Variants in CELF2 observed in about 807,000 individuals in gnomAD.
CELF2 encodes CUGBP Elav-like family member 2.
CELF2 carries 8 observed loss-of-function variants against 62.6 expected under a neutral mutation model. That is an observed-to-expected ratio of 0.13 (90% CI 0.07 to 0.23). The LOEUF is 0.23. Ranked by LOEUF, CELF2 falls within the 10% of genes least tolerant of loss-of-function variation. The probability of loss-of-function intolerance (pLI) is 1.00; values close to 1 mark genes in which losing one functional copy is unlikely to be tolerated. For missense variants in CELF2, 333 were observed against 671.0 expected, an observed-to-expected ratio of 0.50 and a Z score of 5.56; for synonymous variants, 258 against 250.0, an observed-to-expected ratio of 1.03 and a Z score of -0.30.
At chr10:11,057,807 A>G (rs535750505) in intron 1 of CELF2, among the ~76,000 whole-genome samples, 1 of 152,258 alleles carries the variant, frequency 6.6e-6, no homozygotes, top group Admixed American at 6.5e-5. Flanking sequence ...CCTTTAACCC[A>G]TATTGCCAGA....
the CELF2 span, among the ~76,000 whole-genome samples, chr10:10,502,277 G>C: frequency 4.6e-5 from 7 of 151,938 alleles, no homozygotes; most frequent in Non-Finnish European, 1.0e-4. Context: ...TTCATAAAAA[G>C]TATTGGAGGG....
At chr10:11,313,652 G>C (rs2140527933) in intron 9 of CELF2, among the ~76,000 whole-genome samples, 1 of 152,228 alleles carries the variant, frequency 6.6e-6, no homozygotes, top group African/African-American at 2.4e-5. Context: ...ATTTTAATCT[G>C]ACACAGTCTA....
At chr10:11,056,742 C>T (rs2065333304) in intron 1 of CELF2, among the ~76,000 whole-genome samples, 1 of 149,732 alleles carries the variant, frequency 6.7e-6, no homozygotes, top group African/African-American at 2.5e-5. Flanking sequence ...TAGTAGACCA[C>T]TTATCTTAGG....
At chr10:11,202,176 C>T (rs1465766749) in intron 2 of CELF2, among the ~76,000 whole-genome samples, 3 of 152,140 alleles carry the variant, frequency 2.0e-5, no homozygotes, top group Non-Finnish European at 4.4e-5. Context: ...TGGAATTTAT[C>T]ATCTAATGAC....
intron 1 of CELF2, among the ~76,000 whole-genome samples, chr10:10,819,474 C>T (rs189887048): frequency 5.9e-5 from 9 of 152,244 alleles, no homozygotes. Flanking sequence ...ATAACCAGAT[C>T]CAGTGGCCCA....
At chr10:11,114,008 T>C (rs2055925570) in intron 1 of CELF2, among the ~76,000 whole-genome samples, 1 of 152,194 alleles carries the variant, frequency 6.6e-6, no homozygotes, top group Non-Finnish European at 1.5e-5. Flanking sequence ...TTATAGATGG[T>C]TCAATTAAAG....
chr10:10,683,819 G>A, the CELF2 span, among the ~76,000 whole-genome samples: 1 of 152,140 alleles, frequency 6.6e-6, no homozygotes, highest in African/African-American at 2.4e-5. Context: ...CTGAGAAGGT[G>A]ACAAAAAGCA....
intron 1 of CELF2, among the ~76,000 whole-genome samples, chr10:11,019,990 T>C (rs921078592): frequency 6.6e-6 from 1 of 152,260 alleles, no homozygotes; most frequent in Non-Finnish European, 1.5e-5. Context: ...ATGAATGCTC[T>C]ATGAATTTAA....
At chr10:11,295,465 G>A (rs1435194665) in intron 9 of CELF2, among the ~76,000 whole-genome samples, 3 of 152,178 alleles carry the variant, frequency 2.0e-5, no homozygotes, top group African/African-American at 7.2e-5. Flanking sequence ...TATATCTTAC[G>A]TTAAATTTTG....
chr10:10,619,747 G>T, the CELF2 span, among the ~76,000 whole-genome samples: 1 of 152,186 alleles, frequency 6.6e-6, no homozygotes, highest in Non-Finnish European at 1.5e-5. Context: ...GGAGAAGTTT[G>T]TTTGGAAAAA....
chr10:10,864,583 TG>T (rs2060240590), intron 1 of CELF2, among the ~76,000 whole-genome samples: 1 of 152,184 alleles, frequency 6.6e-6, no homozygotes, highest in Admixed American at 6.5e-5. Flanking sequence ...ACCTTCTGGC[TG>T]TGTCCTTACA....
chr10:10,870,813 G>A (rs903254136), intron 1 of CELF2, among the ~76,000 whole-genome samples: 6 of 152,206 alleles, frequency 3.9e-5, no homozygotes, highest in African/African-American at 1.4e-4. Context: ...CACGGTGACA[G>A]TCGCGCTGGC....
rs1305298309 is a variant in CELF2, at chr10:10,928,464, C to T, written c.89+8465C>T. Among the ~76,000 whole-genome samples, 3 of 152,092 alleles carry T rather than the reference C, an allele frequency of 2.0e-5. No individual in the cohort carries two copies. Among genetic ancestry groups the T allele is most frequent in the Non-Finnish European group, 2.9e-5 (2 of 68,032 alleles). Reference sequence around the variant, plus strand: ...GATTTTGCAAACTACAGCCCACAGACGAAATCTAGATAGTGGCCTGTGCTT... The same window carrying T: ...GATTTTGCAAACTACAGCCCACAGATGAAATCTAGATAGTGGCCTGTGCTT... On this transcript the variant is annotated intron_variant, in intron 2 of 13. Transcript: ENST00000636488. The surrounding 1 kb of genome is among the most constrained non-coding windows in gnomAD (Gnocchi z 4.8).
the CELF2 span, among the ~76,000 whole-genome samples, chr10:10,557,099 G>C: frequency 6.9e-6 from 1 of 145,902 alleles, no homozygotes; most frequent in Non-Finnish European, 1.5e-5. Context: ...TGGACATGAA[G>C]TCCTTGCCCA....
rs2094793904 is a variant in CELF2, at chr10:11,314,550, T to G, written c.1096+292T>G. ...CTTTTCAGGTTTCCAGGAGTTTGGTTTGGTTTGGTTTCGGTCGGTTCTGTC... is the reference window on the plus strand; with the variant it reads ...CTTTTCAGGTTTCCAGGAGTTTGGTGTGGTTTGGTTTCGGTCGGTTCTGTC... On this transcript the variant is annotated intron_variant, in intron 10 of 12. Coordinates refer to ENST00000633077, the MANE Select transcript of CELF2 (RefSeq NM_001326342.2). The surrounding 1 kb of genome is among the most constrained non-coding windows in gnomAD (Gnocchi z 5.3). 1.3e-5 allele frequency: 6 copies of G among 449,268 alleles called. No homozygotes were observed. The highest frequency in any genetic ancestry group is 2.1e-5 in the Non-Finnish European group (5 of 240,674). 27.8% of individuals were successfully genotyped at this position (449,268 alleles called of 1,614,324 possible). A position where few individuals can be genotyped will look rare whatever the true frequency, so the allele number is the denominator to read the frequency against.
chr10:11,271,210 G>C (rs1050348974), intron 7 of CELF2, among the ~76,000 whole-genome samples: 1 of 152,256 alleles, frequency 6.6e-6, no homozygotes, highest in African/African-American at 2.4e-5. Flanking sequence ...TCCATTCCAT[G>C]ATCCTGGCTC....
chr10:11,058,461 G>GTTTTTTTGTTTTTTTTTTTT (rs2065868708), intron 1 of CELF2, among the ~76,000 whole-genome samples: 1 of 116,806 alleles, frequency 8.6e-6, no homozygotes. Context: ...TTTTTTGTTG[G>GTTTTTTTGTTTTTTTTTTTT]TTTTTTTTTT....
chr10:11,329,123 C>A lies in CELF2; in HGVS notation c.*70C>A. 1 of 1,495,854 alleles carries A rather than the reference C, an allele frequency of 6.7e-7. No individual in the cohort carries two copies. The highest frequency in any genetic ancestry group is 1.3e-5 in the South Asian group (1 of 76,794). The allele number at this position is 1,495,854 out of a possible 1,614,324, so 92.7% of individuals were successfully genotyped here. ...GTAAGTCCCACGAGCCAGCCTGTCT[C>A]AACAGGGAAGGCAGAGGAGGACCAC... is the stretch of plus-strand genomic sequence containing the variant. On this transcript the variant is annotated 3_prime_UTR_variant, in exon 13 of 13. Transcript: ENST00000633077. This position sits in a 1 kb window ranked among gnomAD's most constrained non-coding sequence, Gnocchi z 5.5.
intron 2 of CELF2, among the ~76,000 whole-genome samples, chr10:11,202,931 CTCTCTCTCTCTCTCTCTCTCTGTGTG>C (rs2059571551): frequency 1.1e-5 from 1 of 91,640 alleles, no homozygotes. Context: ...CTCTCTCTCT[CTCTCTCTCTCTCTCTCTCTCTGTGTG>C]TGTGTGTGTG....
Sources: allele counts gnomAD v4.1 joint callset (sites outside exome capture counted in the v4.1 genomes callset), GRCh38; gene constraint gnomAD v4.1.1; non-coding constraint Gnocchi (gnomAD v3.1); transcripts MANE v1.5; gene names NCBI Gene and HGNC (gene_info 2026-07-23, HGNC 2026-07-21).